Variants in YEATS4 observed in about 807,000 individuals in gnomAD.
YEATS4 encodes YEATS domain-containing protein 4.
A neutral mutation model predicts 30.1 loss-of-function variants in YEATS4; 17 were observed. That is an observed-to-expected ratio of 0.56 (90% CI 0.39 to 0.85). The LOEUF (loss-of-function observed/expected upper bound fraction) is 0.85, where lower values mean the gene tolerates loss of function less well. Among genes scored for constraint, YEATS4 ranks in the 40% least tolerant of loss-of-function variants. The pLI is 0.00. For synonymous variants in YEATS4, 85 were observed against 87.5 expected, an observed-to-expected ratio of 0.97 and a Z score of 0.16; for missense variants, 142 against 268.3, an observed-to-expected ratio of 0.53 and a Z score of 3.29.
At chr12:69,377,524 G>A (rs1423753413) in intron 6 of YEATS4, among the ~76,000 whole-genome samples, 1 of 152,084 alleles carries the variant, frequency 6.6e-6, no homozygotes, top group Admixed American at 6.6e-5. Context: ...GCCTCCCAAA[G>A]TGCTGGGATT....
chr12:69,391,892 A>G (rs1868319006), downstream of YEATS4, among the ~76,000 whole-genome samples: 1 of 152,220 alleles, frequency 6.6e-6, no homozygotes. Flanking sequence ...GTATTGGTTC[A>G]TAAAACTAAA....
At chr12:69,415,825 A>G in the YEATS4 span, among the ~76,000 whole-genome samples, 4 of 152,264 alleles carry the variant, frequency 2.6e-5, no homozygotes, top group East Asian at 7.7e-4. Flanking sequence ...AGTGGGCAAG[A>G]AGAACAGTTG....
downstream of YEATS4, among the ~76,000 whole-genome samples, chr12:69,395,453 GT>G (rs1408222269): frequency 6.6e-6 from 1 of 150,998 alleles, no homozygotes; most frequent in Non-Finnish European, 1.5e-5. Flanking sequence ...AGGGAAAGCA[GT>G]TTGAAAAACA....
chr12:69,407,635 A>G, the YEATS4 span, among the ~76,000 whole-genome samples: 1 of 150,120 alleles, frequency 6.7e-6, no homozygotes, highest in African/African-American at 2.5e-5. Context: ...TGAGAATGTC[A>G]TGATGCAGAT....
At chr12:69,402,725 C>CTTTTTTTTTT in the YEATS4 span, among the ~76,000 whole-genome samples, 10 of 113,084 alleles carry the variant, frequency 8.8e-5, no homozygotes, top group East Asian at 7.3e-4. Context: ...TCTTTCTTTT[C>CTTTTTTTTTT]TTTTTTTTTT....
At chr12:69,371,121 C>A in intron 6 of YEATS4, 146 bp downstream of exon 6, 1 of 719,980 alleles carries the variant, frequency 1.4e-6, no homozygotes, top group South Asian at 2.3e-5. Context: ...TACAGTGGAA[C>A]ATGTAAAAAG....
the YEATS4 span, among the ~76,000 whole-genome samples, chr12:69,418,758 A>G: frequency 6.6e-6 from 1 of 151,974 alleles, no homozygotes; most frequent in Non-Finnish European, 1.5e-5. Context: ...CAACTTTGCT[A>G]CCTTCATCAT....
At position 69,378,591 on chromosome 12, in the gene YEATS4, G is replaced by A. The variant is rs568096826; in HGVS notation, c.514+7616G>A. On this transcript the variant is annotated intron_variant, in intron 6 of 6. Coordinates refer to ENST00000247843, the MANE Select transcript of YEATS4 (RefSeq NM_006530.4). ...GCTTGCAAATAATATCCTATAACCC[G>A]TTGTTTTAAACTGATGACAGCTTAA... 1.2e-3 allele frequency among the ~76,000 whole-genome samples: 175 copies of A among 152,136 alleles called. 3 individuals carry two copies. In the South Asian group the frequency reaches 0.034, roughly 29 times the overall value.
chr12:69,415,758 A>C, the YEATS4 span, among the ~76,000 whole-genome samples: 1 of 152,288 alleles, frequency 6.6e-6, no homozygotes, highest in South Asian at 2.1e-4. Flanking sequence ...TCCCCTGGCC[A>C]GTCGGGGATC....
chr12:69,372,235 C>G (rs1875672555), intron 6 of YEATS4, among the ~76,000 whole-genome samples: 1 of 152,086 alleles, frequency 6.6e-6, no homozygotes, highest in Non-Finnish European at 1.5e-5. Flanking sequence ...TATATATTTA[C>G]TGGGTACATG....
At chr12:69,374,210 T>G (rs1453350794) in intron 6 of YEATS4, among the ~76,000 whole-genome samples, 1 of 152,084 alleles carries the variant, frequency 6.6e-6, no homozygotes, top group Non-Finnish European at 1.5e-5. Context: ...ATCTGTAGAT[T>G]GCTTTGGGAA....
At chr12:69,391,018 G>C (rs1310082207), downstream of YEATS4, among the ~76,000 whole-genome samples, 1 of 152,206 alleles carries the variant, frequency 6.6e-6, no homozygotes, top group African/African-American at 2.4e-5. Context: ...TAGGGGCCAG[G>C]CATGGCGGCT....
intron 6 of YEATS4, among the ~76,000 whole-genome samples, chr12:69,388,123 C>T (rs1283520459): frequency 2.0e-5 from 3 of 151,506 alleles, no homozygotes; most frequent in Admixed American, 1.3e-4. Flanking sequence ...GTGCAGGGCG[C>T]GATCTCGGCT....
chr12:69,391,272 C>T (rs1057111910), downstream of YEATS4, among the ~76,000 whole-genome samples: 3 of 150,010 alleles, frequency 2.0e-5, no homozygotes, highest in Admixed American at 2.0e-4. Flanking sequence ...CCAGCCTGGG[C>T]GGCAGAATGA....
chr12:69,384,535 T>A (rs947605460), intron 6 of YEATS4, among the ~76,000 whole-genome samples: 2 of 152,190 alleles, frequency 1.3e-5, no homozygotes, highest in Non-Finnish European at 2.9e-5. Context: ...ATTGGTAAGC[T>A]TTTGGGAAGA....
chr12:69,360,040 C>CCCCTCTT lies in YEATS4; in HGVS notation c.51+20_51+26dup. The CCCCTCTT allele has an allele frequency of 6.2e-7, 1 of 1,611,458 alleles. No homozygotes were observed. The highest frequency in any genetic ancestry group is 8.5e-7 in the Non-Finnish European group (1 of 1,178,718). ...AGAGTAAAGGTCAGTGCCCGGACCGCCCCTCTTCCGGGGTGGCTCTCCCGC... is the reference window on the plus strand; with the variant it reads ...AGAGTAAAGGTCAGTGCCCGGACCGCCCCTCTTCCCTCTTCCGGGGTGGCTCTCCCGC... On this transcript the variant is annotated intron_variant, in intron 1 of 6. Transcript: ENST00000247843.
rs1565683703 is a variant in YEATS4 at position 69,390,143 on chromosome 12, T to G, written c.515-4T>G. 1 of 1,571,926 alleles carries G rather than the reference T, an allele frequency of 6.4e-7. No homozygotes were observed. The highest frequency in any genetic ancestry group is 8.6e-7 in the Non-Finnish European group (1 of 1,169,192). On this transcript the variant is annotated splice_polypyrimidine_tract_variant and splice_region_variant and intron_variant, in intron 6 of 6. Transcript: ENST00000247843. ...ACTTTAGTAAAAGTATTTGTTTTCTTTAGTTGCAGAGCTTGAAGTGAAAAC... is the reference window on the plus strand; with the variant it reads ...ACTTTAGTAAAAGTATTTGTTTTCTGTAGTTGCAGAGCTTGAAGTGAAAAC...
At chr12:69,403,498 A>G in the YEATS4 span, among the ~76,000 whole-genome samples, 2 of 150,860 alleles carry the variant, frequency 1.3e-5, no homozygotes, top group African/African-American at 4.9e-5. Flanking sequence ...AATCCCTTGA[A>G]CCTGAGAGGC....
chr12:69,387,076 G>A (rs1292577269), intron 6 of YEATS4, among the ~76,000 whole-genome samples: 2 of 151,978 alleles, frequency 1.3e-5, no homozygotes, highest in African/African-American at 4.8e-5. Flanking sequence ...CTAACTGTAA[G>A]CATGGAAAAT....
Sources: gnomAD v4.1 joint callset for allele counts (sites outside exome capture counted in the v4.1 genomes callset) on GRCh38, gnomAD v4.1.1 for gene constraint, MANE v1.5 for transcripts, NCBI Gene and HGNC (gene_info 2026-07-23, HGNC 2026-07-21) for gene names.